Variants in PPP2R5A observed in about 807,000 individuals in gnomAD.
The protein encoded by PPP2R5A is serine/threonine-protein phosphatase 2A 56 kDa regulatory subunit alpha isoform.
PPP2R5A carries 25 observed loss-of-function variants against 64.2 expected under a neutral mutation model. That is an observed-to-expected ratio of 0.39 (90% CI 0.28 to 0.54). PPP2R5A has a LOEUF of 0.54. Among genes scored for constraint, PPP2R5A ranks in the 20% least tolerant of loss-of-function variants. PPP2R5A has a pLI of 0.67. For synonymous variants in PPP2R5A, 198 were observed against 201.2 expected, an observed-to-expected ratio of 0.98 and a Z score of 0.13; for missense variants, 425 against 576.3, an observed-to-expected ratio of 0.74 and a Z score of 2.69.
rs116665971 is a variant in PPP2R5A, at chr1:212,328,876, G to A, written c.182-259G>A. On this transcript the variant is annotated intron_variant, in intron 1 of 12. Transcript: ENST00000261461. ...GAGGCAGGAGGATCACATGAGCCTA[G>A]GAGTTTGAGTCTATCTTGGGCAATG... 2.1e-3 allele frequency among the ~76,000 whole-genome samples: 323 copies of A among 152,286 alleles called. 5 individuals are homozygous for A. The highest frequency in any genetic ancestry group is 7.6e-3 in the African/African-American group (314 of 41,564).
At chr1:212,355,623 G>T (rs2102449860) in intron 8 of PPP2R5A, among the ~76,000 whole-genome samples, 1 of 150,814 alleles carries the variant, frequency 6.6e-6, no homozygotes, top group African/African-American at 2.4e-5. Flanking sequence ...AGAATATATA[G>T]TCAATTAAAA....
chr1:212,286,291 G>GAT lies in PPP2R5A; in HGVS notation c.181_181+1insAT (p.Ala62MetfsTer31), dbSNP rs1558135785. 2.0e-6 allele frequency: 3 copies of GAT among 1,512,312 alleles called. No homozygotes were observed. Among genetic ancestry groups the GAT allele is most frequent in the Non-Finnish European group, 2.7e-6 (3 of 1,131,018 alleles). 93.7% of individuals were successfully genotyped at this position (1,512,312 alleles called of 1,614,324 possible). A position where few individuals can be genotyped will look rare whatever the true frequency, so the allele number is the denominator to read the frequency against. ...GCTGCACCCGCTGCCCCAGCTCAAA[G>GAT]GTAACCTCCGAGGGCGCAGCCCCAG... On this transcript the variant is annotated frameshift_variant and splice_region_variant. Coordinates refer to ENST00000261461, the MANE Select transcript of PPP2R5A (RefSeq NM_006243.4). LOFTEE classifies it high-confidence loss of function.
chr1:212,349,113 T>C (rs1423702291), intron 7 of PPP2R5A, 76 bp from the exon 8 acceptor site: 8 of 1,008,706 alleles, frequency 7.9e-6, no homozygotes, highest in South Asian at 2.6e-5. Flanking sequence ...GTCTAAAAAA[T>C]ATTGGCTAAA....
rs140243249 is a variant in PPP2R5A at position 212,348,481 on chromosome 1, C to G, written c.857C>G (p.Ala286Gly). 9.4e-6 allele frequency: 15 copies of G among 1,590,564 alleles called. No individual in the cohort carries two copies. The highest frequency in any genetic ancestry group is 1.3e-5 in the African/African-American group (1 of 74,246). Residue 286 changes from alanine (A) to glycine (G), a missense_variant, in exon 7 of 13, where the codon GCT (alanine) becomes GGT (glycine). This residue lies in a region of PPP2R5A where 177 missense variants were observed against 244.8 expected (regional missense o/e 0.72). Transcript: ENST00000261461. ...LIPMHTAKGL[A>G]LFHAQLAYCV... is the part of the protein sequence containing the mutation. ...CCTATGCATACTGCAAAAGGATTAG[C>G]TTTGTTTCATGCTCAGGTAAGTTTC...
intron 1 of PPP2R5A, among the ~76,000 whole-genome samples, chr1:212,311,679 C>G (rs1297593803): frequency 6.6e-6 from 1 of 151,850 alleles, no homozygotes; most frequent in African/African-American, 2.4e-5. Flanking sequence ...GAGACAGTGA[C>G]GTAGATGATC....
At chr1:212,313,340 T>C (rs1298533910) in intron 1 of PPP2R5A, among the ~76,000 whole-genome samples, 1 of 152,222 alleles carries the variant, frequency 6.6e-6, no homozygotes, top group African/African-American at 2.4e-5. Context: ...TCTTACCCAA[T>C]AGGTATAAAG....
chr1:212,291,597 T>G (rs1558137318), intron 1 of PPP2R5A, among the ~76,000 whole-genome samples: 2 of 152,224 alleles, frequency 1.3e-5, no homozygotes, highest in South Asian at 4.1e-4. Flanking sequence ...CTTCGTCCTT[T>G]TCTCTCTGAT....
At chr1:212,343,603 CATAAACT>C (rs1173076131) in intron 4 of PPP2R5A, among the ~76,000 whole-genome samples, 3 of 152,172 alleles carry the variant, frequency 2.0e-5, no homozygotes, top group South Asian at 2.1e-4. Context: ...AGTAGCTCTT[CATAAACT>C]ATAAAGAAAT....
intron 4 of PPP2R5A, 68 bp downstream of exon 4, chr1:212,342,348 A>G: frequency 6.5e-7 from 1 of 1,536,760 alleles, no homozygotes; most frequent in South Asian, 1.2e-5. Context: ...CTTATTATTA[A>G]AATAGTGTAG....
At chr1:212,287,748 C>G (rs1459401935) in intron 1 of PPP2R5A, among the ~76,000 whole-genome samples, 2 of 152,074 alleles carry the variant, frequency 1.3e-5, no homozygotes, top group African/African-American at 4.8e-5. Flanking sequence ...AGAATATCGT[C>G]TTTGCTATTC....
rs1316461742 is a variant in PPP2R5A at position 212,357,003 on chromosome 1, G to A, written c.1032G>A (p.Gln344=). Reference sequence around the variant, plus strand: ...TCTTAGATGTCATTGAACCAACACAGTTCAAAAAAATTGAAGAGCCACTTT... The same window carrying A: ...TCTTAGATGTCATTGAACCAACACAATTCAAAAAAATTGAAGAGCCACTTT... ...EEILDVIEPT[Q]FKKIEEPLFK... The change falls in exon 10 of 13, where the codon CAG becomes CAA. Residue 344 remains glutamine, a synonymous_variant. Coordinates refer to ENST00000261461, the MANE Select transcript of PPP2R5A (RefSeq NM_006243.4). The A allele has an allele frequency of 1.2e-6, 2 of 1,609,970 alleles. No individual in the cohort carries two copies. The highest frequency in any genetic ancestry group is 2.7e-5 in the African/African-American group (2 of 74,782).
rs151291277 is a variant in PPP2R5A, at chr1:212,358,641, C to G, written c.1227-45C>G. 2.2e-4 allele frequency: 302 copies of G among 1,382,782 alleles called. 1 individual carries two copies. In the East Asian group the frequency reaches 6.9e-3, roughly 32 times the overall value. 85.7% of individuals were successfully genotyped at this position (1,382,782 alleles called of 1,614,324 possible). A position where few individuals can be genotyped will look rare whatever the true frequency, so the allele number is the denominator to read the frequency against. ...GAGACCATAGTGTTACATTTCCTCT[C>G]TGTTAGCAGTATCATAACTCAGGAC... On this transcript the variant is annotated intron_variant, in intron 11 of 12. Coordinates refer to ENST00000261461, the MANE Select transcript of PPP2R5A (RefSeq NM_006243.4).
rs1192067111 is a variant in PPP2R5A, at chr1:212,348,468, G to A, written c.844G>A (p.Ala282Thr). Reference sequence around the variant, plus strand: ...GAAGGTTCTTATTCCTATGCATACTGCAAAAGGATTAGCTTTGTTTCATGC... The same window carrying A: ...GAAGGTTCTTATTCCTATGCATACTACAAAAGGATTAGCTTTGTTTCATGC... ...LMKVLIPMHT[A>T]KGLALFHAQL... Residue 282 changes from alanine to threonine, a missense_variant, in exon 7 of 13, where the codon GCA becomes ACA. Ala to Thr is a moderately conservative substitution (Grantham distance 58). Transcript: ENST00000261461. 4.4e-6 allele frequency: 7 copies of A among 1,601,424 alleles called. No homozygotes were observed. The highest frequency in any genetic ancestry group is 6.0e-6 in the Non-Finnish European group (7 of 1,170,458).
At chr1:212,334,944 T>A (rs1219544998) in intron 3 of PPP2R5A, among the ~76,000 whole-genome samples, 9 of 152,122 alleles carry the variant, frequency 5.9e-5, no homozygotes, top group African/African-American at 1.7e-4. Flanking sequence ...TTTCATAATA[T>A]TTTATTTATT....
At chr1:212,358,568 A>G in intron 11 of PPP2R5A, 118 bp from the exon 12 acceptor site, 1 of 661,570 alleles carries the variant, frequency 1.5e-6, no homozygotes, top group Non-Finnish European at 2.5e-6. Context: ...CAGTTTTATC[A>G]TCTCTAAAAT....
chr1:212,313,235 G>A (rs1193390188), intron 1 of PPP2R5A, among the ~76,000 whole-genome samples: 2 of 152,150 alleles, frequency 1.3e-5, no homozygotes, highest in African/African-American at 4.8e-5. Context: ...TCTAGCATCT[G>A]AAAACAATTG....
At chr1:212,309,825 A>G (rs1658994862) in intron 1 of PPP2R5A, among the ~76,000 whole-genome samples, 1 of 150,488 alleles carries the variant, frequency 6.6e-6, no homozygotes, top group Admixed American at 6.6e-5. Flanking sequence ...GAGCTAAAAG[A>G]AAAAAAAAAG....
chr1:212,315,459 AAAG>A (rs936109271), intron 1 of PPP2R5A, among the ~76,000 whole-genome samples: 59 of 152,352 alleles, frequency 3.9e-4, no homozygotes, highest in African/African-American at 1.3e-3. Context: ...AACTTGTCTT[AAAG>A]ACCTCTTAAT....
chr1:212,332,864 A>G (rs948520404), intron 2 of PPP2R5A, among the ~76,000 whole-genome samples: 2 of 151,780 alleles, frequency 1.3e-5, no homozygotes, highest in African/African-American at 4.8e-5. Flanking sequence ...CCCTTCCTCA[A>G]TATTCTCCCT....
Sources: gnomAD v4.1 joint callset for allele counts (sites outside exome capture counted in the v4.1 genomes callset) on GRCh38, gnomAD v4.1.1 for gene constraint, gnomAD v4.1.1 regional missense constraint, MANE v1.5 for transcripts, NCBI Gene and HGNC (gene_info 2026-07-23, HGNC 2026-07-21) for gene names.